The following FHIT variants were observed in gnomAD, a reference collection of about 807,000 sequenced individuals.
FHIT encodes fragile histidine triad diadenosine triphosphatase, also known as bis(5'-adenosyl)-triphosphatase.
A neutral mutation model predicts 17.9 loss-of-function variants in FHIT; 19 were observed. That is an observed-to-expected ratio of 1.06 (90% CI 0.74 to 1.56). The LOEUF is 1.56. FHIT is among the 40% of genes most tolerant of loss of function. The pLI is 0.00. For synonymous variants in FHIT, 81 were observed against 69.7 expected, an observed-to-expected ratio of 1.16 and a Z score of -0.81; for missense variants, 248 against 189.2, an observed-to-expected ratio of 1.31 and a Z score of -1.82.
intron 3 of FHIT, among the ~76,000 whole-genome samples, chr3:61,030,897 G>C (rs1559924033): frequency 6.6e-6 from 1 of 152,164 alleles, no homozygotes; most frequent in Non-Finnish European, 1.5e-5. Flanking sequence ...AACAGCAAGG[G>C]TCCCATGTGG....
chr3:60,212,529 C>T (rs1021111701), intron 5 of FHIT, among the ~76,000 whole-genome samples: 6 of 152,134 alleles, frequency 3.9e-5, no homozygotes, highest in Non-Finnish European at 5.9e-5. Context: ...AAGGTATTTT[C>T]TCCAAAACAC....
At chr3:60,089,817 C>A (rs938100678) in intron 5 of FHIT, among the ~76,000 whole-genome samples, 2 of 152,154 alleles carry the variant, frequency 1.3e-5, no homozygotes, top group African/African-American at 4.8e-5. Flanking sequence ...GTGATCACCT[C>A]CCAATGGCAA....
intron 3 of FHIT, among the ~76,000 whole-genome samples, chr3:60,883,051 C>A (rs1705047481): frequency 6.6e-6 from 1 of 151,986 alleles, no homozygotes; most frequent in Non-Finnish European, 1.5e-5. Flanking sequence ...AAAATCAGTA[C>A]CATTTCTATA....
At position 60,937,567 on chromosome 3, in the gene FHIT, CT is replaced by C. The variant is rs5849404; in HGVS notation, c.-111+104479del. ...TTTTTTTTCTTTTTTCTTTTCTTTT[CT>C]TTTTTTTTTTTTTGAGATGGAGTCT... On this transcript the variant is annotated intron_variant, in intron 3 of 9. Coordinates refer to ENST00000492590, the MANE Select transcript of FHIT (RefSeq NM_002012.4). 8.1e-5 allele frequency among the ~76,000 whole-genome samples: 11 copies of C among 135,112 alleles called. 1 individual carries two copies. Among genetic ancestry groups the C allele is most frequent in the African/African-American group, 1.1e-4 (4 of 36,274 alleles). The allele number at this position is 135,112 out of a possible 152,430, so 88.6% of individuals were successfully genotyped here. A position where few individuals can be genotyped will look rare whatever the true frequency, so the allele number is the denominator to read the frequency against.
chr3:60,754,219 CT>C (rs1374913191), intron 4 of FHIT, among the ~76,000 whole-genome samples: 2 of 152,200 alleles, frequency 1.3e-5, no homozygotes, highest in Non-Finnish European at 2.9e-5. Flanking sequence ...TCTCGGCCCC[CT>C]GCCTGTTAGT....
At chr3:60,237,366 C>T (rs745473943) in intron 5 of FHIT, among the ~76,000 whole-genome samples, 12 of 146,556 alleles carry the variant, frequency 8.2e-5, no homozygotes, top group Admixed American at 2.1e-4. Context: ...TGGTGTGTTG[C>T]GACTGGAACA....
chr3:59,935,312 T>C (rs1706181034), intron 7 of FHIT, among the ~76,000 whole-genome samples: 1 of 152,172 alleles, frequency 6.6e-6, no homozygotes, highest in Middle Eastern at 3.2e-3. Context: ...ATAGTACATG[T>C]GCTTGGTAGA....
At chr3:60,013,444 C>T (rs1261841798) in intron 6 of FHIT, among the ~76,000 whole-genome samples, 1 of 152,152 alleles carries the variant, frequency 6.6e-6, no homozygotes, top group Non-Finnish European at 1.5e-5. Context: ...CATGGACATC[C>T]TTCTCCCAAC....
intron 2 of FHIT, among the ~76,000 whole-genome samples, chr3:61,157,277 A>G (rs1369244905): frequency 6.6e-6 from 1 of 152,144 alleles, no homozygotes; most frequent in Non-Finnish European, 1.5e-5. Context: ...TGAAAGTAAG[A>G]TGTGATGAGA....
intron 2 of FHIT, among the ~76,000 whole-genome samples, chr3:61,071,355 C>T (rs911143781): frequency 1.3e-5 from 2 of 152,160 alleles, no homozygotes; most frequent in African/African-American, 2.4e-5. Context: ...TTTGAATGTT[C>T]ACAATTTTAA....
At chr3:60,803,412 G>C (rs530413661) in intron 4 of FHIT, among the ~76,000 whole-genome samples, 1 of 152,288 alleles carries the variant, frequency 6.6e-6, no homozygotes, top group African/African-American at 2.4e-5. Context: ...TTTGGGATGG[G>C]GGACACTTTC....
At position 60,294,650 on chromosome 3, in the gene FHIT, T is replaced by A. The variant is rs561282328; in HGVS notation, c.103+242210A>T. The stretch of plus-strand genomic sequence containing the variant: ...ACATTACCATTCGCACAAAGGTCCC[T>A]CATGTTGCCCCTTTCTGGCCACATT... On this transcript the variant is annotated intron_variant, in intron 5 of 9. Coordinates refer to ENST00000492590, the MANE Select transcript of FHIT (RefSeq NM_002012.4). Among the ~76,000 whole-genome samples the A allele has an allele frequency of 1.2e-4, 19 of 152,250 alleles. 1 individual carries two copies. In the East Asian group the frequency reaches 3.5e-3, roughly 28 times the overall value.
intron 3 of FHIT, among the ~76,000 whole-genome samples, chr3:60,925,571 G>A (rs1317855425): frequency 1.3e-5 from 2 of 152,122 alleles, no homozygotes; most frequent in East Asian, 1.9e-4. Context: ...CACTAAACAT[G>A]GAAAGGAACA....
intron 5 of FHIT, among the ~76,000 whole-genome samples, chr3:60,123,999 TATATATATATAGAGAG>T (rs1559653585): frequency 6.8e-4 from 21 of 30,910 alleles, no homozygotes; most frequent in African/African-American, 2.6e-3. Context: ...TATATATATA[TATATATATATAGAGAG>T]AGAGAGAGAG....
intron 5 of FHIT, among the ~76,000 whole-genome samples, chr3:60,151,504 A>C (rs1274575639): frequency 6.6e-6 from 1 of 152,200 alleles, no homozygotes; most frequent in Non-Finnish European, 1.5e-5. Context: ...AGATGAGATC[A>C]CAGCACTACT....
chr3:60,173,916 T>TA (rs1343702595), intron 5 of FHIT, among the ~76,000 whole-genome samples: 1 of 68,054 alleles, frequency 1.5e-5, no homozygotes, highest in Admixed American at 2.0e-4. Flanking sequence ...TATATATATA[T>TA]GTTTTTTTTT....
At chr3:60,444,826 C>T (rs561332839) in intron 5 of FHIT, among the ~76,000 whole-genome samples, 12 of 151,406 alleles carry the variant, frequency 7.9e-5, no homozygotes, top group Admixed American at 3.3e-4. Context: ...CACATGTACC[C>T]TAGAACTTAA....
intron 7 of FHIT, among the ~76,000 whole-genome samples, chr3:60,001,037 T>C (rs1451415756): frequency 6.6e-6 from 1 of 152,228 alleles, no homozygotes; most frequent in Non-Finnish European, 1.5e-5. Context: ...ATCTCTTCAG[T>C]GACCACCCCA....
At chr3:60,508,387 A>T (rs140676783) in intron 5 of FHIT, among the ~76,000 whole-genome samples, 50 of 152,304 alleles carry the variant, frequency 3.3e-4, no homozygotes, top group Non-Finnish European at 6.8e-4. Context: ...AGGTTTGACT[A>T]CTTGAAAATA....
Sources: gnomAD v4.1 joint callset for allele counts (sites outside exome capture counted in the v4.1 genomes callset) on GRCh38, gnomAD v4.1.1 for gene constraint, MANE v1.5 for transcripts, NCBI Gene and HGNC (gene_info 2026-07-23, HGNC 2026-07-21) for gene names.